The following EYS variants were observed in gnomAD, a reference collection of about 807,000 sequenced individuals.
The protein encoded by EYS is protein eyes shut homolog.
A neutral mutation model predicts 282.1 loss-of-function variants in EYS; 250 were observed. The observed-to-expected ratio is 0.89, with a 90% confidence interval of 0.80 to 0.98. The LOEUF is 0.98. EYS is among the 50% of genes least tolerant of loss of function. EYS has a pLI of 0.00. For missense variants in EYS, 4,016 were observed against 3,709.0 expected, an observed-to-expected ratio of 1.08 and a Z score of -2.15; for synonymous variants, 1,355 against 1,282.9, an observed-to-expected ratio of 1.06 and a Z score of -1.20.
chr6:64,489,769 A>G (rs1776682102), intron 26 of EYS, among the ~76,000 whole-genome samples: 1 of 150,692 alleles, frequency 6.6e-6, no homozygotes, highest in Non-Finnish European at 1.5e-5. Flanking sequence ...CATAACATGA[A>G]CCATTTGTTT....
chr6:65,579,896 T>C (rs1442760110), intron 2 of EYS, among the ~76,000 whole-genome samples: 2 of 152,146 alleles, frequency 1.3e-5, no homozygotes, highest in Non-Finnish European at 2.9e-5. Context: ...TTTCTCACTC[T>C]ACTCTTTTGT....
chr6:64,319,065 G>C (rs1376414714), intron 29 of EYS, among the ~76,000 whole-genome samples: 2 of 151,392 alleles, frequency 1.3e-5, no homozygotes. Context: ...TTTTGAATCA[G>C]TAAAGTCCTT....
chr6:65,202,236 A>G (rs1313503808), intron 12 of EYS, among the ~76,000 whole-genome samples: 1 of 152,212 alleles, frequency 6.6e-6, no homozygotes, highest in Non-Finnish European at 1.5e-5. Flanking sequence ...TATCAAAGTA[A>G]TAAAAAATAA....
At chr6:64,822,208 T>C (rs1217325778) in intron 20 of EYS, among the ~76,000 whole-genome samples, 2 of 152,032 alleles carry the variant, frequency 1.3e-5, no homozygotes, top group Non-Finnish European at 2.9e-5. Flanking sequence ...TTATCCATGA[T>C]CAGAGCAGTT....
intron 13 of EYS, among the ~76,000 whole-genome samples, chr6:65,021,374 G>A (rs1460046214): frequency 1.3e-5 from 2 of 152,196 alleles, no homozygotes; most frequent in African/African-American, 4.8e-5. Flanking sequence ...AGCATAACAA[G>A]TGTCACCTTT....
At chr6:64,436,296 A>G (rs922226533) in intron 27 of EYS, 31 bp from the exon 28 acceptor site, 9 of 1,218,322 alleles carry the variant, frequency 7.4e-6, no homozygotes, top group Non-Finnish European at 9.4e-6. Flanking sequence ...GTCCTCAAAC[A>G]GTTTTTCAGC....
At chr6:65,511,144 T>C (rs1766852974) in intron 2 of EYS, among the ~76,000 whole-genome samples, 1 of 152,190 alleles carries the variant, frequency 6.6e-6, no homozygotes, top group Admixed American at 6.5e-5. Flanking sequence ...TTTATTTTCT[T>C]GCAATAAGAA....
chr6:63,877,855 T>A (rs994865496), intron 35 of EYS, among the ~76,000 whole-genome samples: 2 of 152,212 alleles, frequency 1.3e-5, no homozygotes, highest in African/African-American at 4.8e-5. Context: ...CTGTTTATTC[T>A]AGTTAGCCAT....
intron 36 of EYS, among the ~76,000 whole-genome samples, chr6:63,853,143 C>A (rs1228201375): frequency 6.6e-6 from 1 of 152,044 alleles, no homozygotes; most frequent in Non-Finnish European, 1.5e-5. Context: ...GGCAATAAGG[C>A]AAGAGAAAGA....
chr6:64,161,629 TGA>T (rs1306162686), intron 31 of EYS, among the ~76,000 whole-genome samples: 1 of 152,178 alleles, frequency 6.6e-6, no homozygotes, highest in Non-Finnish European at 1.5e-5. Context: ...CTGGGGATAA[TGA>T]GTCACCGAAA....
In EYS at chr6:64,467,233, T is replaced by A. The variant is rs191530796; in HGVS notation, c.5645-27881A>T. ...TAATTACTCTGATTAAGATTTTTTT[T>A]AAATAACTATCTTATTGGCAAAAAT... On this transcript the variant is annotated intron_variant, in intron 26 of 42. Coordinates refer to ENST00000503581, the MANE Select transcript of EYS (RefSeq NM_001142800.2). Among the ~76,000 whole-genome samples, 1,126 of 152,274 alleles carry A rather than the reference T, an allele frequency of 7.4e-3. 8 individuals are homozygous for A. The highest frequency in any genetic ancestry group is 0.026 in the African/African-American group (1,081 of 41,544).
At chr6:65,046,298 G>T (rs571227752) in intron 13 of EYS, among the ~76,000 whole-genome samples, 550 of 151,978 alleles carry the variant, frequency 3.6e-3, no homozygotes, top group Middle Eastern at 6.8e-3. Flanking sequence ...CCAGGGAAAA[G>T]AGACAGAACC....
At chr6:64,902,090 T>C in intron 18 of EYS, 23 bp downstream of exon 18, 1 of 1,471,526 alleles carries the variant, frequency 6.8e-7, no homozygotes, top group Non-Finnish European at 9.2e-7. Flanking sequence ...AAATAATTAA[T>C]TTAATAAAAA....
chr6:63,820,408 TC>T (rs1370498119), intron 36 of EYS, among the ~76,000 whole-genome samples: 1 of 152,224 alleles, frequency 6.6e-6, no homozygotes, highest in Non-Finnish European at 1.5e-5. Flanking sequence ...CTATTGTTTT[TC>T]TACTGACTTT....
At position 65,243,377 on chromosome 6, in the gene EYS, C is replaced by T. The variant is rs547322999; in HGVS notation, c.2023+52486G>A. ...GAGATCAGAGTTACTGGTGGCCTGC[C>T]CCTCTCAGAATGAAACTGTAGTCCT... is the stretch of plus-strand genomic sequence containing the variant. On this transcript the variant is annotated intron_variant, in intron 12 of 42. Coordinates refer to ENST00000503581, the MANE Select transcript of EYS (RefSeq NM_001142800.2). 8.7e-4 allele frequency among the ~76,000 whole-genome samples: 132 copies of T among 152,180 alleles called. No homozygotes were observed. In the Middle Eastern group the frequency reaches 0.01, roughly 12 times the overall value.
At chr6:64,988,058 T>C (rs1193185009) in intron 14 of EYS, among the ~76,000 whole-genome samples, 1 of 151,400 alleles carries the variant, frequency 6.6e-6, no homozygotes, top group Non-Finnish European at 1.5e-5. Context: ...TTTAAGAATG[T>C]AGGGCAAAGT....
chr6:65,183,889 C>T (rs1019882784), intron 12 of EYS, among the ~76,000 whole-genome samples: 1 of 151,798 alleles, frequency 6.6e-6, no homozygotes, highest in African/African-American at 2.4e-5. Context: ...TTACCTCATC[C>T]TCCTCCCCAA....
At chr6:64,121,039 T>C (rs1773571228) in intron 31 of EYS, among the ~76,000 whole-genome samples, 1 of 152,180 alleles carries the variant, frequency 6.6e-6, no homozygotes, top group African/African-American at 2.4e-5. Context: ...TCTCAGTTCC[T>C]AGAGGTCACC....
At chr6:65,086,856 G>A (rs1416936431) in intron 12 of EYS, among the ~76,000 whole-genome samples, 1 of 150,828 alleles carries the variant, frequency 6.6e-6, no homozygotes, top group Non-Finnish European at 1.5e-5. Context: ...ACGGAGTCTT[G>A]CTCTGTCGCC....
Sources: allele counts gnomAD v4.1 joint callset (sites outside exome capture counted in the v4.1 genomes callset), GRCh38; gene constraint gnomAD v4.1.1; transcripts MANE v1.5; gene names NCBI Gene and HGNC (gene_info 2026-07-23, HGNC 2026-07-21).